The following NKAIN2 variants were observed in gnomAD, a reference collection of about 807,000 sequenced individuals.
NKAIN2 encodes the protein sodium/potassium-transporting ATPase subunit beta-1-interacting protein 2.
In NKAIN2, 14 loss-of-function variants were observed where a neutral mutation model predicts 32.6. The ratio of observed to expected loss-of-function variants is 0.43; its 90% CI spans 0.28 to 0.67. The LOEUF is 0.67. NKAIN2 is among the 30% of genes least tolerant of loss of function. The probability of loss-of-function intolerance (pLI) is 0.17; values close to 1 mark genes in which losing one functional copy is unlikely to be tolerated. For synonymous variants in NKAIN2, 80 were observed against 87.2 expected (o/e 0.92, Z 0.46); for missense variants, 198 against 258.3 (o/e 0.77, Z 1.60).
intron 1 of NKAIN2, among the ~76,000 whole-genome samples, chr6:124,016,019 C>CT (rs745675196): frequency 1.6e-4 from 24 of 149,436 alleles, no homozygotes; most frequent in South Asian, 8.5e-4. Flanking sequence ...CAAGATGAAA[C>CT]TTTTTTTTTT....
intron 1 of NKAIN2, among the ~76,000 whole-genome samples, chr6:123,811,997 G>A (rs1773495886): frequency 6.6e-6 from 1 of 152,084 alleles, no homozygotes; most frequent in African/African-American, 2.4e-5. Flanking sequence ...GTGTTCTGTG[G>A]ACACTAGTTC....
chr6:124,488,984 T>G (rs563769901), intron 3 of NKAIN2, among the ~76,000 whole-genome samples: 11 of 152,048 alleles, frequency 7.2e-5, no homozygotes, highest in African/African-American at 2.4e-4. Flanking sequence ...ACACATCTGA[T>G]ATAGTTTAAT....
chr6:124,694,267 G>C (rs1350109997), intron 4 of NKAIN2, among the ~76,000 whole-genome samples: 6 of 152,152 alleles, frequency 3.9e-5, no homozygotes, highest in Admixed American at 3.9e-4. Context: ...AGTAGGAATA[G>C]TACTTGAGGC....
At chr6:124,363,797 G>T (rs1043405515) in intron 3 of NKAIN2, among the ~76,000 whole-genome samples, 1 of 152,090 alleles carries the variant, frequency 6.6e-6, no homozygotes, top group Admixed American at 6.6e-5. Context: ...TTAGGATAAA[G>T]ACACCATTAT....
intron 1 of NKAIN2, among the ~76,000 whole-genome samples, chr6:123,903,003 G>T (rs1774678669): frequency 6.6e-6 from 1 of 152,196 alleles, no homozygotes; most frequent in Admixed American, 6.5e-5. Context: ...TCAGCTGGTA[G>T]TTAGTCATAC....
chr6:124,599,121 G>A (rs967257116), intron 3 of NKAIN2, among the ~76,000 whole-genome samples: 6 of 150,632 alleles, frequency 4.0e-5, no homozygotes, highest in South Asian at 4.2e-4. Flanking sequence ...GCCAAACTGC[G>A]ATCTCTTCTT....
chr6:124,786,419 A>G lies in NKAIN2; in HGVS notation c.475-4920A>G, dbSNP rs141341634. Among the ~76,000 whole-genome samples the G allele has an allele frequency of 1.2e-3, 179 of 152,288 alleles. 4 individuals are homozygous for G. The highest frequency in any genetic ancestry group is 1.3e-4 in the Non-Finnish European group (9 of 68,010). ...TAATAGATTAAACGCTAAGGTTGCT[A>G]TATTTTCAATTATTACAATTAAATC... On this transcript the variant is annotated intron_variant, in intron 4 of 6. Coordinates refer to ENST00000368417, the MANE Select transcript of NKAIN2 (RefSeq NM_001040214.3).
intron 3 of NKAIN2, among the ~76,000 whole-genome samples, chr6:124,360,031 C>T (rs1373070138): frequency 1.3e-5 from 2 of 152,098 alleles, no homozygotes; most frequent in African/African-American, 2.4e-5. Flanking sequence ...TTGAGATAAT[C>T]ATGTGGTTTT....
At chr6:124,790,932 C>A (rs144519638) in intron 4 of NKAIN2, among the ~76,000 whole-genome samples, 50 of 152,212 alleles carry the variant, frequency 3.3e-4, no homozygotes, top group Middle Eastern at 6.8e-3. Context: ...TCCCTCAAAG[C>A]GTTTTTCTGA....
intron 1 of NKAIN2, among the ~76,000 whole-genome samples, chr6:124,055,435 T>C (rs1243466784): frequency 6.6e-6 from 1 of 151,918 alleles, no homozygotes; most frequent in Non-Finnish European, 1.5e-5. Flanking sequence ...AATGGTAAGG[T>C]GATTTGAGAG....
intron 3 of NKAIN2, chr6:124,390,668 A>T (rs2114412584): frequency 6.6e-6 from 1 of 152,304 alleles, no homozygotes; most frequent in African/African-American, 2.4e-5. Context: ...TATGAGATCT[A>T]CCTATGGGGC....
chr6:124,514,612 T>G (rs1456860051), intron 3 of NKAIN2, among the ~76,000 whole-genome samples: 1 of 152,130 alleles, frequency 6.6e-6, no homozygotes, highest in Admixed American at 6.5e-5. Context: ...TAGATGGATC[T>G]ACCACAGGTA....
At chr6:124,460,288 A>C (rs1418667234) in intron 3 of NKAIN2, among the ~76,000 whole-genome samples, 5 of 151,694 alleles carry the variant, frequency 3.3e-5, no homozygotes, top group African/African-American at 1.2e-4. Flanking sequence ...TCCTTTAACA[A>C]TGTTCATTTA....
At chr6:124,703,294 C>T (rs1469961588) in intron 4 of NKAIN2, among the ~76,000 whole-genome samples, 4 of 151,734 alleles carry the variant, frequency 2.6e-5, no homozygotes, top group African/African-American at 9.7e-5. Flanking sequence ...AACAAAAAAA[C>T]AAAGACCTAC....
chr6:124,752,580 TG>T (rs919267021), intron 4 of NKAIN2, among the ~76,000 whole-genome samples: 10 of 151,844 alleles, frequency 6.6e-5, no homozygotes, highest in African/African-American at 2.4e-4. Flanking sequence ...CCTGCATGTT[TG>T]GGGAGTGTAA....
intron 1 of NKAIN2, among the ~76,000 whole-genome samples, chr6:124,107,642 C>T (rs867623867): frequency 1.3e-5 from 2 of 152,168 alleles, no homozygotes; most frequent in Admixed American, 6.5e-5. Context: ...ATCTCTAGGA[C>T]GTATTCATCT....
At chr6:124,320,991 TA>T (rs771493030) in intron 2 of NKAIN2, among the ~76,000 whole-genome samples, 6 of 152,168 alleles carry the variant, frequency 3.9e-5, no homozygotes, top group Non-Finnish European at 8.8e-5. Context: ...GTGAGCCACA[TA>T]AGAGCAGGCA....
intron 1 of NKAIN2, among the ~76,000 whole-genome samples, chr6:124,138,507 G>T (rs1412876937): frequency 6.6e-6 from 1 of 151,986 alleles, no homozygotes; most frequent in East Asian, 1.9e-4. Context: ...CAGAGGAAAA[G>T]AAGTCATTAT....
chr6:124,620,462 T>C (rs528487316), intron 3 of NKAIN2, among the ~76,000 whole-genome samples: 1 of 152,324 alleles, frequency 6.6e-6, no homozygotes, highest in East Asian at 1.9e-4. Context: ...TTTATGACTC[T>C]AGATACAATG....
Sources: allele counts gnomAD v4.1 joint callset (sites outside exome capture counted in the v4.1 genomes callset), GRCh38; gene constraint gnomAD v4.1.1; transcripts MANE v1.5; gene names NCBI Gene and HGNC (gene_info 2026-07-23, HGNC 2026-07-21).